Variants in IGF1 observed in about 807,000 individuals in gnomAD.
IGF1 encodes insulin-like growth factor 1.
Under a neutral mutation model 13.8 loss-of-function variants are expected in IGF1, and 4 were observed. The observed-to-expected ratio is 0.29, with a 90% CI of 0.14 to 0.66. IGF1 has a LOEUF of 0.66. Ranked by LOEUF, IGF1 falls within the 30% of genes least tolerant of loss-of-function variation. The pLI is 0.78. For missense variants in IGF1, 124 were observed against 188.5 expected (o/e 0.66, Z 2.00); for synonymous variants, 76 against 72.6 (o/e 1.05, Z -0.23).
At chr12:102,429,217 T>G (rs1008574614) in intron 2 of IGF1, among the ~76,000 whole-genome samples, 2 of 152,216 alleles carry the variant, frequency 1.3e-5, no homozygotes, top group African/African-American at 4.8e-5. Flanking sequence ...AAATCTGGAC[T>G]CATCAGACCA....
At chr12:102,450,124 G>T (rs968007287) in intron 2 of IGF1, among the ~76,000 whole-genome samples, 1 of 152,296 alleles carries the variant, frequency 6.6e-6, no homozygotes, top group Non-Finnish European at 1.5e-5. Context: ...TCATATAGTA[G>T]ATTTTCTACA....
intron 2 of IGF1, among the ~76,000 whole-genome samples, chr12:102,431,836 C>A (rs1876768122): frequency 6.6e-6 from 1 of 152,186 alleles, no homozygotes; most frequent in Admixed American, 6.5e-5. Context: ...GAATGCCATG[C>A]ATGGCTTTTT....
At chr12:102,480,736 G>C (rs1881347722), upstream of IGF1, 1 of 468,734 alleles carries the variant, frequency 2.1e-6, no homozygotes, top group Admixed American at 4.2e-5. Flanking sequence ...TTTAAAACTA[G>C]AGCACAGAAG....
chr12:102,466,654 C>A (rs1169667615), intron 2 of IGF1, among the ~76,000 whole-genome samples: 2 of 152,154 alleles, frequency 1.3e-5, no homozygotes, highest in Non-Finnish European at 2.9e-5. Flanking sequence ...GTAAATCCAG[C>A]ACTTTGGGAG....
intron 2 of IGF1, among the ~76,000 whole-genome samples, chr12:102,458,742 A>AAAAAAAAAAC (rs1555247546): frequency 1.3e-5 from 2 of 150,438 alleles, no homozygotes. Flanking sequence ...AAAAAAAAAA[A>AAAAAAAAAAC]AAAAACCAAA....
chr12:102,478,478 A>G (rs1881208536), intron 1 of IGF1: 2 of 1,597,060 alleles, frequency 1.3e-6, no homozygotes, highest in Non-Finnish European at 1.7e-6. Flanking sequence ...GTCATAAGAA[A>G]ATACTCACTG....
At chr12:102,466,213 A>G (rs1476393150) in intron 2 of IGF1, among the ~76,000 whole-genome samples, 2 of 152,208 alleles carry the variant, frequency 1.3e-5, no homozygotes, top group African/African-American at 4.8e-5. Context: ...GACTCTTCTC[A>G]TGGCTTGCTC....
chr12:102,466,551 A>T (rs1338808408), intron 2 of IGF1, among the ~76,000 whole-genome samples: 2 of 151,542 alleles, frequency 1.3e-5, no homozygotes, highest in Non-Finnish European at 2.9e-5. Context: ...AGGCTGAAAA[A>T]CTCTGTTGCC....
rs115268373 is a variant in IGF1 at position 102,406,089 on chromosome 12, G to A, written c.403-3523C>T. On this transcript the variant is annotated intron_variant, in intron 3 of 3. Transcript: ENST00000337514. Reference sequence around the variant, plus strand: ...CTGTACCAAGTAGCATGATTCCCATGCACACACGTGCACGGTGGAGGCCAT... The same window carrying A: ...CTGTACCAAGTAGCATGATTCCCATACACACACGTGCACGGTGGAGGCCAT... Among the ~76,000 whole-genome samples the A allele has an allele frequency of 6.9e-3, 1,055 of 152,364 alleles. 8 individuals are homozygous for A. The highest frequency in any genetic ancestry group is 0.024 in the African/African-American group (1,010 of 41,588).
Position 102,398,974 on chromosome 12 carries a change from A to G in IGF1, c.*3533T>C, listed in dbSNP as rs1873453465. The G allele has an allele frequency of 6.6e-6, 1 of 152,610 alleles. No homozygotes were observed. Among genetic ancestry groups the G allele is most frequent in the South Asian group, 2.1e-4 (1 of 4,830 alleles). The allele number at this position is 152,610 out of a possible 1,614,324, so 9.5% of individuals were successfully genotyped here. ...CACAGAGCATGAGATGGTTTCATCT[A>G]CACAAACATTGACGTTCCAAGGAGA... On this transcript the variant is annotated 3_prime_UTR_variant, in exon 4 of 4. Transcript: ENST00000337514.
chr12:102,443,012 T>C (rs557061101), intron 2 of IGF1, among the ~76,000 whole-genome samples: 7 of 152,196 alleles, frequency 4.6e-5, no homozygotes, highest in African/African-American at 1.4e-4. Context: ...TAAGTGATGC[T>C]AATAGGACTG....
At chr12:102,441,467 G>A (rs191029257) in intron 2 of IGF1, among the ~76,000 whole-genome samples, 1 of 152,300 alleles carries the variant, frequency 6.6e-6, no homozygotes, top group Admixed American at 6.5e-5. Flanking sequence ...CTTTAGATGA[G>A]CTGAAGCAAA....
intron 2 of IGF1, among the ~76,000 whole-genome samples, 184 bp from the exon 3 acceptor site, chr12:102,419,874 C>T (rs145197642): frequency 4.6e-5 from 7 of 152,252 alleles, no homozygotes; most frequent in Admixed American, 6.5e-5. Context: ...GTATGTCTCC[C>T]GGAGTCTGTA....
rs553245064 is a variant in IGF1 at position 102,402,860 on chromosome 12, T to C, written c.403-294A>G. ...TCTGCTTCTATCACAGATTCATTGA[T>C]TGAAAGGAGATCCTGAAAAATCCAG... On this transcript the variant is annotated intron_variant, in intron 3 of 3. Transcript: ENST00000337514. Among the ~76,000 whole-genome samples the C allele has an allele frequency of 3.9e-5, 6 of 152,342 alleles. No homozygotes were observed. In the East Asian group the frequency reaches 1.2e-3, roughly 29 times the overall value.
intron 2 of IGF1, among the ~76,000 whole-genome samples, chr12:102,425,257 A>G (rs909811953): frequency 6.6e-6 from 1 of 152,214 alleles, no homozygotes; most frequent in African/African-American, 2.4e-5. Flanking sequence ...AACACTGAGA[A>G]AATGTTCTCT....
chr12:102,472,903 T>C (rs1880776252), intron 2 of IGF1, among the ~76,000 whole-genome samples: 3 of 152,142 alleles, frequency 2.0e-5, no homozygotes, highest in Admixed American at 2.0e-4. Context: ...ATAAAAGCAG[T>C]TTTATTAAAT....
rs377242247 is a variant in IGF1 at position 102,461,920 on chromosome 12, T to C, written c.220+13723A>G. ...TTTTTGTACTCTGTCTTATCAAATG[T>C]GAGCCACGAATTAGCAAGTACCTCT... is the stretch of plus-strand genomic sequence containing the variant. On this transcript the variant is annotated intron_variant, in intron 2 of 3. Transcript: ENST00000337514. Among the ~76,000 whole-genome samples, 4 of 152,224 alleles carry C rather than the reference T, an allele frequency of 2.6e-5. No homozygotes were observed. The East Asian group carries it at 7.7e-4, about 29-fold the overall frequency.
chr12:102,459,555 T>C (rs531967352), intron 2 of IGF1, among the ~76,000 whole-genome samples: 1 of 151,780 alleles, frequency 6.6e-6, no homozygotes, highest in South Asian at 2.1e-4. Flanking sequence ...GTCTGAAGAG[T>C]TGGGTTGATG....
At chr12:102,410,829 G>GT (rs1021855448) in intron 3 of IGF1, among the ~76,000 whole-genome samples, 1 of 152,212 alleles carries the variant, frequency 6.6e-6, no homozygotes, top group Admixed American at 6.5e-5. Context: ...AATTTTGGAA[G>GT]TTTGGAAGGC....
Sources: gnomAD v4.1 joint callset for allele counts (sites outside exome capture counted in the v4.1 genomes callset) on GRCh38, gnomAD v4.1.1 for gene constraint, MANE v1.5 for transcripts, NCBI Gene and HGNC (gene_info 2026-07-23, HGNC 2026-07-21) for gene names.